Variants in MAGI1 observed in about 807,000 individuals in gnomAD.
MAGI1 encodes the protein membrane associated guanylate kinase, WW and PDZ domain containing 1.
A neutral mutation model predicts 139.9 loss-of-function variants in MAGI1; 58 were observed. The observed-to-expected ratio is 0.41, with a 90% CI of 0.34 to 0.52. MAGI1 has a LOEUF of 0.52. Ranked by LOEUF, MAGI1 falls within the 20% of genes least tolerant of loss-of-function variation. The pLI, the probability that MAGI1 is intolerant of heterozygous loss-of-function variation, is 0.12. For missense variants in MAGI1, 1,874 were observed against 1,901.6 expected, an observed-to-expected ratio of 0.99 and a Z score of 0.27; for synonymous variants, 812 against 737.9, an observed-to-expected ratio of 1.10 and a Z score of -1.63.
At chr3:65,831,981 C>A (rs187647706) in intron 1 of MAGI1, among the ~76,000 whole-genome samples, 1 of 152,142 alleles carries the variant, frequency 6.6e-6, no homozygotes, top group African/African-American at 2.4e-5. Flanking sequence ...TTTCATATTG[C>A]GCCAATAATC....
chr3:65,964,212 C>T (rs1274745323), intron 1 of MAGI1, among the ~76,000 whole-genome samples: 2 of 152,134 alleles, frequency 1.3e-5, no homozygotes, highest in Non-Finnish European at 2.9e-5. Flanking sequence ...CCAGTAATTA[C>T]CTTAGCGTCA....
intron 10 of MAGI1, among the ~76,000 whole-genome samples, chr3:65,433,326 TA>T (rs200209708): frequency 5.9e-5 from 9 of 151,416 alleles, no homozygotes; most frequent in South Asian, 2.1e-4. Context: ...TTTATCTACT[TA>T]AAAAAAAATA....
chr3:65,518,575 G>T (rs549407423), intron 2 of MAGI1, among the ~76,000 whole-genome samples: 1 of 152,094 alleles, frequency 6.6e-6, no homozygotes, highest in African/African-American at 2.4e-5. Flanking sequence ...ATGTGACTTG[G>T]AATCCCAAAT....
chr3:65,708,192 G>C (rs1222433667), intron 1 of MAGI1, among the ~76,000 whole-genome samples: 1 of 152,156 alleles, frequency 6.6e-6, no homozygotes, highest in Non-Finnish European at 1.5e-5. Context: ...TTACAGATAG[G>C]ACCCAACCTG....
At chr3:65,915,524 C>A (rs956501422) in intron 1 of MAGI1, among the ~76,000 whole-genome samples, 2 of 152,128 alleles carry the variant, frequency 1.3e-5, no homozygotes, top group African/African-American at 4.8e-5. Context: ...TTGTTTGGGT[C>A]TTTTTCTTTT....
At chr3:65,842,604 A>C (rs1242501991) in intron 1 of MAGI1, among the ~76,000 whole-genome samples, 2 of 152,004 alleles carry the variant, frequency 1.3e-5, no homozygotes, top group Non-Finnish European at 2.9e-5. Context: ...CAGGTGATCC[A>C]CCCACCTCGG....
chr3:65,508,735 A>G (rs1022912994), intron 2 of MAGI1, among the ~76,000 whole-genome samples: 8 of 152,168 alleles, frequency 5.3e-5, no homozygotes, highest in Middle Eastern at 3.2e-3. Context: ...GGAAATGGAT[A>G]CCTTTGTTGT....
chr3:65,420,149 GCCTGTC>G, intron 12 of MAGI1, among the ~76,000 whole-genome samples: 1 of 152,020 alleles, frequency 6.6e-6, no homozygotes, highest in Non-Finnish European at 1.5e-5. Context: ...GTTACTGAGA[GCCTGTC>G]CCTTCACCGT....
At chr3:65,979,697 T>C (rs1241060885) in intron 1 of MAGI1, among the ~76,000 whole-genome samples, 1 of 152,124 alleles carries the variant, frequency 6.6e-6, no homozygotes, top group Non-Finnish European at 1.5e-5. Flanking sequence ...AGTCGATAGG[T>C]AGATAAACTT....
intron 2 of MAGI1, among the ~76,000 whole-genome samples, chr3:65,582,697 C>T (rs1559691875): frequency 6.6e-6 from 1 of 152,116 alleles, no homozygotes; most frequent in African/African-American, 2.4e-5. Context: ...AACTTTACAC[C>T]AAGGCCACTA....
intron 2 of MAGI1, among the ~76,000 whole-genome samples, chr3:65,577,833 T>A (rs1453925566): frequency 6.6e-6 from 1 of 152,132 alleles, no homozygotes; most frequent in Non-Finnish European, 1.5e-5. Flanking sequence ...TCGAACCATG[T>A]CTCTCATCTC....
chr3:65,913,895 G>A (rs2061778374), intron 1 of MAGI1, among the ~76,000 whole-genome samples: 1 of 152,088 alleles, frequency 6.6e-6, no homozygotes. Flanking sequence ...TTCAATTCAA[G>A]GGGTTCTAAC....
At chr3:65,611,372 TAC>T (rs1278811531) in intron 2 of MAGI1, among the ~76,000 whole-genome samples, 1 of 143,790 alleles carries the variant, frequency 7.0e-6, no homozygotes, top group African/African-American at 2.5e-5. Flanking sequence ...ACAGTATATA[TAC>T]ATATATACAG....
chr3:65,761,776 C>G (rs1055209818), intron 1 of MAGI1, among the ~76,000 whole-genome samples: 1 of 152,170 alleles, frequency 6.6e-6, no homozygotes, highest in East Asian at 1.9e-4. Context: ...TTTTGCCTCT[C>G]AGTACCACTC....
chr3:65,746,005 C>G (rs1050726204), intron 1 of MAGI1, among the ~76,000 whole-genome samples: 1 of 152,086 alleles, frequency 6.6e-6, no homozygotes, highest in Non-Finnish European at 1.5e-5. Context: ...GCTGGGATTG[C>G]AGGCATGAGC....
Position 65,411,432 on chromosome 3 carries a change from C to A in MAGI1, c.2168-9962G>T, listed in dbSNP as rs1191694567. Among the ~76,000 whole-genome samples the A allele has an allele frequency of 3.3e-5, 5 of 152,134 alleles. No individual in the cohort carries two copies. The East Asian group carries it at 9.6e-4, about 29-fold the overall frequency. Reference sequence around the variant, plus strand: ...CCTAAGATAGGTGAAACTATGGTGGCCTGATAGCCCCATGCAGTTCCTACA... The same window carrying A: ...CCTAAGATAGGTGAAACTATGGTGGACTGATAGCCCCATGCAGTTCCTACA... On this transcript the variant is annotated intron_variant, in intron 12 of 22. Transcript: ENST00000402939.
chr3:65,737,267 A>C (rs1424353884), intron 1 of MAGI1, among the ~76,000 whole-genome samples: 1 of 152,228 alleles, frequency 6.6e-6, no homozygotes, highest in Non-Finnish European at 1.5e-5. Context: ...AGCCTCCCAA[A>C]GTGCTGGGAT....
intron 1 of MAGI1, chr3:65,873,159 G>T (rs1195957479): frequency 6.6e-6 from 1 of 152,304 alleles, no homozygotes; most frequent in African/African-American, 2.4e-5. Flanking sequence ...GCGAGCTTTG[G>T]TGCTGTCCGT....
intron 1 of MAGI1, among the ~76,000 whole-genome samples, chr3:65,681,860 T>G (rs994326036): frequency 1.3e-5 from 2 of 152,120 alleles, no homozygotes; most frequent in African/African-American, 4.8e-5. Context: ...TTTTTTTGTT[T>G]TTTTGTTGTT....
Sources: allele counts gnomAD v4.1 joint callset (sites outside exome capture counted in the v4.1 genomes callset), GRCh38; gene constraint gnomAD v4.1.1; transcripts MANE v1.5; gene names NCBI Gene and HGNC (gene_info 2026-07-23, HGNC 2026-07-21).